PTPRD: variants seen among roughly 807,000 people sequenced by gnomAD.
PTPRD encodes receptor-type tyrosine-protein phosphatase delta.
PTPRD carries 34 observed loss-of-function variants against 214.5 expected under a neutral mutation model. That is an observed-to-expected ratio of 0.16 (90% confidence interval 0.12 to 0.21). PTPRD has a LOEUF of 0.21. PTPRD is among the 10% of genes least tolerant of loss of function. The probability of loss-of-function intolerance (pLI) is 1.00; values close to 1 mark genes in which losing one functional copy is unlikely to be tolerated. For missense variants in PTPRD, 2,545 were observed against 2,398.7 expected (o/e 1.06, Z -1.27); for synonymous variants, 1,128 against 845.7 (o/e 1.33, Z -5.79).
At chr9:9,142,842 T>G (rs896086728) in intron 10 of PTPRD, among the ~76,000 whole-genome samples, 1 of 152,182 alleles carries the variant, frequency 6.6e-6, no homozygotes, top group Non-Finnish European at 1.5e-5. Context: ...CATCTGGCTC[T>G]GTGTCCTGGA....
At position 8,389,291 on chromosome 9, in the gene PTPRD, T is replaced by C. The variant is rs1419881473; in HGVS notation, c.4327A>G (p.Ile1443Val). The C allele has an allele frequency of 6.2e-7, 1 of 1,613,100 alleles. No homozygotes were observed. The highest frequency in any genetic ancestry group is 8.5e-7 in the Non-Finnish European group (1 of 1,179,452). The change falls in exon 37 of 46, where the codon ATA (isoleucine) becomes GTA (valine). Residue 1443 changes from isoleucine to valine, a missense_variant. Ile to Val is a conservative substitution (Grantham distance 29). Coordinates refer to ENST00000381196, the MANE Select transcript of PTPRD (RefSeq NM_002839.4). Reference sequence around the variant, plus strand: ...ACTGTGGCACTCCGTTGTTCCCATATCATTCTCCAAAAGTCCCCAAATGTT... The same window carrying C: ...ACTGTGGCACTCCGTTGTTCCCATACCATTCTCCAAAAGTCCCCAAATGTT... The part of the protein sequence containing the change: ...PETFGDFWRM[I>V]WEQRSATVVM...
chr9:9,178,856 C>T (rs938400401), intron 10 of PTPRD, among the ~76,000 whole-genome samples: 13 of 151,770 alleles, frequency 8.6e-5, no homozygotes, highest in Non-Finnish European at 1.6e-4. Flanking sequence ...TTCTTCTGGC[C>T]ATACAGTCTA....
intron 44 of PTPRD, among the ~76,000 whole-genome samples, chr9:8,321,632 C>A (rs1183200759): frequency 6.7e-6 from 1 of 149,988 alleles, no homozygotes; most frequent in East Asian, 2.0e-4. Flanking sequence ...ATTTATGTAC[C>A]TATACATATA....
rs374807032 is a variant in PTPRD at position 9,302,389 on chromosome 9, T to C, written c.-203+95060A>G. On this transcript the variant is annotated intron_variant, in intron 9 of 45. Transcript: ENST00000381196. Reference sequence around the variant, plus strand: ...AGGCAGCTCTCTTTGATAATAATTATTTTATTTTTACCCTTCTCCAGCTGC... The same window carrying C: ...AGGCAGCTCTCTTTGATAATAATTACTTTATTTTTACCCTTCTCCAGCTGC... Among the ~76,000 whole-genome samples the C allele has an allele frequency of 2.5e-4, 38 of 151,960 alleles. No individual in the cohort carries two copies. The South Asian group carries it at 7.9e-3, about 32-fold the overall frequency.
At chr9:9,935,277 G>A (rs1395874064) in intron 5 of PTPRD, among the ~76,000 whole-genome samples, 1 of 152,128 alleles carries the variant, frequency 6.6e-6, no homozygotes, top group Non-Finnish European at 1.5e-5. Context: ...AAAAGAGGAA[G>A]TCAAATTGTC....
At chr9:10,209,845 A>C (rs1311354053) in intron 3 of PTPRD, among the ~76,000 whole-genome samples, 1 of 152,152 alleles carries the variant, frequency 6.6e-6, no homozygotes, top group Admixed American at 6.5e-5. Context: ...AATGATCTAC[A>C]AGTTTATTCC....
Position 8,340,486 on chromosome 9 carries a change from G to T in PTPRD, c.5127-17C>A. ...TTCTGTTGTCTGAATTACAGAGAAT[G>T]AAAAGAATGTGTTAAAGTATTTAGA... On this transcript the variant is annotated splice_polypyrimidine_tract_variant and intron_variant, in intron 41 of 45. Transcript: ENST00000381196. The T allele has an allele frequency of 6.4e-7, 1 of 1,552,280 alleles. No homozygotes were observed. The highest frequency in any genetic ancestry group is 8.8e-7 in the Non-Finnish European group (1 of 1,136,422).
intron 44 of PTPRD, among the ~76,000 whole-genome samples, chr9:8,326,347 G>C (rs896022094): frequency 6.6e-6 from 1 of 152,162 alleles, no homozygotes; most frequent in Non-Finnish European, 1.5e-5. Flanking sequence ...TTTGTCATTG[G>C]CTCTGTGTAT....
intron 27 of PTPRD, among the ~76,000 whole-genome samples, chr9:8,489,787 A>C (rs1228893446): frequency 6.6e-6 from 1 of 152,176 alleles, no homozygotes; most frequent in African/African-American, 2.4e-5. Context: ...ATTCTCCCAA[A>C]CTCCACAGAT....
At chr9:8,973,879 CTTT>C (rs1478251605) in intron 11 of PTPRD, among the ~76,000 whole-genome samples, 1 of 151,786 alleles carries the variant, frequency 6.6e-6, no homozygotes, top group African/African-American at 2.4e-5. Context: ...AGAAATACTT[CTTT>C]GTGTCTTTTG....
intron 11 of PTPRD, among the ~76,000 whole-genome samples, chr9:8,975,692 G>A (rs2099264146): frequency 6.6e-6 from 1 of 151,602 alleles, no homozygotes; most frequent in South Asian, 2.1e-4. Context: ...GGATAAATAT[G>A]TAACTCTGAT....
At chr9:8,575,878 A>G (rs2092282521) in intron 14 of PTPRD, among the ~76,000 whole-genome samples, 1 of 152,194 alleles carries the variant, frequency 6.6e-6, no homozygotes, top group South Asian at 2.1e-4. Context: ...AAAGATGCAA[A>G]GACTAGCTAG....
intron 4 of PTPRD, among the ~76,000 whole-genome samples, chr9:9,991,723 T>G (rs1309062301): frequency 1.3e-5 from 2 of 152,040 alleles, no homozygotes; most frequent in Non-Finnish European, 2.9e-5. Context: ...AAGATAGGGA[T>G]GATGTATATA....
At chr9:9,726,938 G>C (rs926094573) in intron 7 of PTPRD, among the ~76,000 whole-genome samples, 8 of 152,092 alleles carry the variant, frequency 5.3e-5, no homozygotes, top group African/African-American at 1.7e-4. Flanking sequence ...TTGTTAAAAA[G>C]TATGTACAAT....
intron 4 of PTPRD, among the ~76,000 whole-genome samples, chr9:9,978,798 G>C (rs78885951): frequency 6.6e-6 from 1 of 151,824 alleles, no homozygotes; most frequent in Non-Finnish European, 1.5e-5. Flanking sequence ...AACACAGATC[G>C]AAGAGTACAG....
intron 7 of PTPRD, among the ~76,000 whole-genome samples, chr9:9,593,226 CT>C (rs201560953): frequency 6.6e-6 from 1 of 150,432 alleles, no homozygotes; most frequent in Admixed American, 6.6e-5. Context: ...TTTCCCCCCC[CT>C]CAAAGAAAAG....
chr9:9,091,207 G>T (rs1256197579), intron 10 of PTPRD: 5 of 1,478,542 alleles, frequency 3.4e-6, no homozygotes, highest in Admixed American at 3.3e-5. Flanking sequence ...ATTTAGACCT[G>T]CGGGTGCTGC....
intron 10 of PTPRD, among the ~76,000 whole-genome samples, chr9:9,036,726 A>G (rs1431562693): frequency 1.3e-5 from 2 of 152,126 alleles, no homozygotes; most frequent in Non-Finnish European, 2.9e-5. Flanking sequence ...TAATATTAAG[A>G]TTATATTTAA....
At chr9:8,342,452 G>A (rs1044778588) in intron 39 of PTPRD, among the ~76,000 whole-genome samples, 1 of 152,066 alleles carries the variant, frequency 6.6e-6, no homozygotes, top group Non-Finnish European at 1.5e-5. Flanking sequence ...AACCTCGCAT[G>A]CTTCCTATTT....
Sources: allele counts gnomAD v4.1 joint callset (sites outside exome capture counted in the v4.1 genomes callset), GRCh38; gene constraint gnomAD v4.1.1; transcripts MANE v1.5; gene names NCBI Gene and HGNC (gene_info 2026-07-23, HGNC 2026-07-21).